FTO: variants seen among roughly 807,000 people sequenced by gnomAD.
The protein encoded by FTO is alpha-ketoglutarate-dependent dioxygenase FTO.
A neutral mutation model predicts 63.9 loss-of-function variants in FTO; 47 were observed. That is an observed-to-expected ratio of 0.74 (90% CI 0.58 to 0.94). The LOEUF (loss-of-function observed/expected upper bound fraction) is 0.94, where lower values mean the gene tolerates loss of function less well. Among genes scored for constraint, FTO ranks in the 40% least tolerant of loss-of-function variants. The pLI is 0.00. For missense variants in FTO, 562 were observed against 618.1 expected (o/e 0.91, Z 0.96); for synonymous variants, 207 against 224.4 (o/e 0.92, Z 0.69).
intron 1 of FTO, among the ~76,000 whole-genome samples, chr16:53,741,671 A>G (rs2076530454): frequency 6.6e-6 from 1 of 152,194 alleles, no homozygotes; most frequent in Admixed American, 6.5e-5. Context: ...CTCTTCTGCC[A>G]TTCTCAGCAT....
At position 54,111,997 on chromosome 16, in the gene FTO, TGGAG is replaced by T; in HGVS notation, c.*83_*86del. On this transcript the variant is annotated 3_prime_UTR_variant, in exon 9 of 9. Coordinates refer to ENST00000471389, the MANE Select transcript of FTO (RefSeq NM_001080432.3). Reference sequence around the variant, plus strand: ...TTGTCATGGGCTTAAGCAAGAGCAGTGGAGACTTCTCTTGGCCCCTAGATTGTAG... The same window carrying T: ...TTGTCATGGGCTTAAGCAAGAGCAGTACTTCTCTTGGCCCCTAGATTGTAG... The T allele has an allele frequency of 4.7e-6, 7 of 1,488,910 alleles. No homozygotes were observed. Among genetic ancestry groups the T allele is most frequent in the African/African-American group, 1.4e-5 (1 of 72,554 alleles). 92.2% of individuals were successfully genotyped at this position (1,488,910 alleles called of 1,614,324 possible). A position where few individuals can be genotyped will look rare whatever the true frequency, so the allele number is the denominator to read the frequency against.
At chr16:53,720,814 G>A (rs1057498843) in intron 1 of FTO, among the ~76,000 whole-genome samples, 2 of 151,382 alleles carry the variant, frequency 1.3e-5, no homozygotes, top group African/African-American at 4.9e-5. Context: ...ACAGAGTCCT[G>A]GGTCCTGCTC....
intron 8 of FTO, among the ~76,000 whole-genome samples, chr16:53,980,435 A>G (rs1460443090): frequency 6.6e-6 from 1 of 152,212 alleles, no homozygotes; most frequent in Non-Finnish European, 1.5e-5. Context: ...AAGGAAGCTG[A>G]CACGTGGGGA....
intron 8 of FTO, among the ~76,000 whole-genome samples, chr16:54,100,238 G>A (rs2086609021): frequency 6.6e-6 from 1 of 152,214 alleles, no homozygotes; most frequent in South Asian, 2.1e-4. Context: ...TTGTTTGGCT[G>A]TGAAATCATG....
chr16:53,844,614 C>T (rs1375635134), intron 4 of FTO, among the ~76,000 whole-genome samples: 1 of 152,072 alleles, frequency 6.6e-6, no homozygotes, highest in Non-Finnish European at 1.5e-5. Context: ...CACACACCAA[C>T]ACACCCAGTT....
chr16:53,770,331 AG>A (rs2151629338), intron 1 of FTO, among the ~76,000 whole-genome samples: 1 of 152,332 alleles, frequency 6.6e-6, no homozygotes, highest in Non-Finnish European at 1.5e-5. Context: ...AGAATTCCCA[AG>A]TACTATCCAG....
intron 7 of FTO, among the ~76,000 whole-genome samples, chr16:53,891,839 A>G (rs1176012896): frequency 6.6e-6 from 1 of 152,202 alleles, no homozygotes; most frequent in Non-Finnish European, 1.5e-5. Flanking sequence ...TCGCTCTTGT[A>G]TAAAAAATAC....
At chr16:53,958,709 A>G (rs555678383) in intron 8 of FTO, among the ~76,000 whole-genome samples, 1 of 152,336 alleles carries the variant, frequency 6.6e-6, no homozygotes, top group South Asian at 2.1e-4. Flanking sequence ...GCCTCGGGAA[A>G]GCTGCCGAAG....
At position 53,926,978 on chromosome 16, in the gene FTO, A is replaced by ATTAG. The variant is rs548590329; in HGVS notation, c.1240-7007_1240-7006insTTAG. Among the ~76,000 whole-genome samples, 33 of 152,348 alleles carry ATTAG rather than the reference A, an allele frequency of 2.2e-4. No individual in the cohort carries two copies. In the South Asian group the frequency reaches 4.6e-3, roughly 21 times the overall value. ...GCTCCTTGTCTCCTTGGTGACCCTA[A>ATTAG]GAAACTTCGTGGAAGCACTGGGGCT... On this transcript the variant is annotated intron_variant, in intron 7 of 8. Coordinates refer to ENST00000471389, the MANE Select transcript of FTO (RefSeq NM_001080432.3).
chr16:53,869,486 C>T (rs939705276), intron 4 of FTO, among the ~76,000 whole-genome samples: 7 of 149,718 alleles, frequency 4.7e-5, no homozygotes, highest in African/African-American at 1.5e-4. Context: ...CTTTCTTCGC[C>T]TTCTGTTATT....
intron 8 of FTO, among the ~76,000 whole-genome samples, chr16:54,027,031 T>A (rs1341857872): frequency 6.6e-6 from 1 of 152,050 alleles, no homozygotes; most frequent in Non-Finnish European, 1.5e-5. Flanking sequence ...CTTGACCCCA[T>A]CTGCAGTGCA....
chr16:53,848,011 T>C (rs1006442058), intron 4 of FTO, among the ~76,000 whole-genome samples: 7 of 152,216 alleles, frequency 4.6e-5, no homozygotes, highest in African/African-American at 1.4e-4. Flanking sequence ...GGTATCCTAC[T>C]GAACTGTGCC....
chr16:53,828,395 A>G (rs1013185437), intron 3 of FTO, among the ~76,000 whole-genome samples: 21 of 151,756 alleles, frequency 1.4e-4, no homozygotes, highest in African/African-American at 5.1e-4. Context: ...AATTTTTTGT[A>G]TTTTTAGTAG....
chr16:53,913,107 T>G (rs971118166), intron 7 of FTO, among the ~76,000 whole-genome samples: 1 of 152,236 alleles, frequency 6.6e-6, no homozygotes, highest in African/African-American at 2.4e-5. Context: ...CATTTCAACT[T>G]AAGCAATGAA....
chr16:53,707,076 T>C (rs78085561), intron 1 of FTO, among the ~76,000 whole-genome samples: 8,833 of 152,318 alleles, frequency 0.058, 477 homozygotes, highest in East Asian at 0.32. Context: ...TAGTTTCTTA[T>C]GGCTGCTGCA....
At chr16:53,753,462 A>C (rs2076847890) in intron 1 of FTO, among the ~76,000 whole-genome samples, 1 of 151,086 alleles carries the variant, frequency 6.6e-6, no homozygotes, top group African/African-American at 2.4e-5. Context: ...CAAGTTTTGC[A>C]TCTGCATTGC....
chr16:54,049,934 C>T (rs920970936), intron 8 of FTO, among the ~76,000 whole-genome samples: 1 of 152,240 alleles, frequency 6.6e-6, no homozygotes, highest in East Asian at 1.9e-4. Flanking sequence ...GTCTGGCCAT[C>T]ATGAGAGATA....
At chr16:54,037,860 G>A (rs2084978495) in intron 8 of FTO, among the ~76,000 whole-genome samples, 1 of 152,128 alleles carries the variant, frequency 6.6e-6, no homozygotes, top group African/African-American at 2.4e-5. Flanking sequence ...TATCAACTAG[G>A]CTTGTTAGAA....
At chr16:53,717,146 G>A (rs1166200342) in intron 1 of FTO, among the ~76,000 whole-genome samples, 1 of 151,664 alleles carries the variant, frequency 6.6e-6, no homozygotes, top group African/African-American at 2.4e-5. Flanking sequence ...TGTTTCATAG[G>A]GTAAATTAAA....
Sources: gnomAD v4.1 joint callset for allele counts (sites outside exome capture counted in the v4.1 genomes callset) on GRCh38, gnomAD v4.1.1 for gene constraint, MANE v1.5 for transcripts, NCBI Gene and HGNC (gene_info 2026-07-23, HGNC 2026-07-21) for gene names.